ARHGEF28: variants seen among roughly 807,000 people sequenced by gnomAD.
ARHGEF28 encodes Rho guanine nucleotide exchange factor 28, also known as 190 kDa guanine nucleotide exchange factor.
Under a neutral mutation model 206.6 loss-of-function variants are expected in ARHGEF28, and 152 were observed. The observed-to-expected ratio is 0.74, with a 90% CI of 0.64 to 0.84. The LOEUF is 0.84. ARHGEF28 is among the 40% of genes least tolerant of loss of function. ARHGEF28 has a pLI of 0.00. For synonymous variants in ARHGEF28, 763 were observed against 776.4 expected, an observed-to-expected ratio of 0.98 and a Z score of 0.29; for missense variants, 2,028 against 2,073.2, an observed-to-expected ratio of 0.98 and a Z score of 0.42.
At chr5:73,735,900 C>A (rs1750897348) in intron 2 of ARHGEF28, among the ~76,000 whole-genome samples, 1 of 152,182 alleles carries the variant, frequency 6.6e-6, no homozygotes, top group Admixed American at 6.5e-5. Flanking sequence ...TCACAGCATC[C>A]TTTCCATCTT....
chr5:73,932,967 C>T (rs1204481826), intron 35 of ARHGEF28, among the ~76,000 whole-genome samples: 1 of 151,572 alleles, frequency 6.6e-6, no homozygotes, highest in Admixed American at 6.6e-5. Flanking sequence ...CGCCACCATG[C>T]CCGGCTAATT....
intron 22 of ARHGEF28, among the ~76,000 whole-genome samples, chr5:73,879,927 T>C (rs1286467520): frequency 1.3e-5 from 2 of 152,188 alleles, no homozygotes; most frequent in Non-Finnish European, 2.9e-5. Flanking sequence ...TCTCCAGCTG[T>C]GTGCTGGGAG....
intron 2 of ARHGEF28, among the ~76,000 whole-genome samples, chr5:73,698,597 GT>G (rs1292784353): frequency 1.3e-5 from 2 of 151,958 alleles, no homozygotes; most frequent in Non-Finnish European, 2.9e-5. Context: ...TGGTTTCTGA[GT>G]TTTTTTTCAA....
chr5:73,647,598 A>G (rs934799273), intron 1 of ARHGEF28, among the ~76,000 whole-genome samples: 3 of 152,272 alleles, frequency 2.0e-5, no homozygotes, highest in Non-Finnish European at 4.4e-5. Context: ...AACCTACTAT[A>G]TCTAAAATAT....
At position 73,897,593 on chromosome 5, in the gene ARHGEF28, G is replaced by A. The variant is rs1010152738; in HGVS notation, c.3842-369G>A. Among the ~76,000 whole-genome samples, 6 of 152,352 alleles carry A rather than the reference G, an allele frequency of 3.9e-5. 1 individual carries two copies. The highest frequency in any genetic ancestry group is 1.3e-4 in the Admixed American group (2 of 15,300). ...AAGTTTTTAGGCATACCAGTTTACT[G>A]AAAGTTGCATTTGAGATATTTTAAT... On this transcript the variant is annotated intron_variant, in intron 29 of 35. Coordinates refer to ENST00000513042, the MANE Select transcript of ARHGEF28 (RefSeq NM_001177693.2).
intron 9 of ARHGEF28, among the ~76,000 whole-genome samples, chr5:73,819,854 T>G (rs1412759971): frequency 1.3e-5 from 2 of 152,194 alleles, no homozygotes; most frequent in Non-Finnish European, 2.9e-5. Flanking sequence ...AACTTGCTGT[T>G]TAAGATGCAG....
intron 1 of ARHGEF28, among the ~76,000 whole-genome samples, chr5:73,642,837 G>T (rs1329738004): frequency 1.3e-5 from 2 of 151,942 alleles, no homozygotes; most frequent in Non-Finnish European, 2.9e-5. Flanking sequence ...TGTTCATGTG[G>T]CTGCTCCCTG....
chr5:73,720,862 T>A (rs1485353617), intron 2 of ARHGEF28, among the ~76,000 whole-genome samples: 1 of 152,182 alleles, frequency 6.6e-6, no homozygotes, highest in Non-Finnish European at 1.5e-5. Context: ...AAACATATAC[T>A]TAGTGATTTT....
intron 2 of ARHGEF28, among the ~76,000 whole-genome samples, chr5:73,712,639 GAA>G (rs1229100209): frequency 1.3e-5 from 2 of 152,190 alleles, no homozygotes; most frequent in African/African-American, 4.8e-5. Context: ...CTAGTGAGGA[GAA>G]ATGAAAAATA....
At chr5:73,635,050 A>C (rs1743608213) in intron 1 of ARHGEF28, among the ~76,000 whole-genome samples, 1 of 152,196 alleles carries the variant, frequency 6.6e-6, no homozygotes, top group Non-Finnish European at 1.5e-5. Context: ...AGTAAAAAGA[A>C]AGCCATTCAT....
chr5:73,914,197 C>T (rs1763075315), intron 35 of ARHGEF28, among the ~76,000 whole-genome samples: 2 of 152,016 alleles, frequency 1.3e-5, no homozygotes, highest in Non-Finnish European at 2.9e-5. Context: ...TAAGGTTTTA[C>T]ATGGGGAAAC....
rs555143147 is a variant in ARHGEF28, at chr5:73,735,715, A to G, written c.34-14122A>G. ...TTACTCCCCTGCTCAAAACTCTTCC[A>G]GGAACTCTTTGTCTTCCAAGCCCTC... On this transcript the variant is annotated intron_variant, in intron 2 of 35. Transcript: ENST00000513042. 1.7e-4 allele frequency among the ~76,000 whole-genome samples: 26 copies of G among 152,292 alleles called. No individual in the cohort carries two copies. In the South Asian group the frequency reaches 5.4e-3, roughly 32 times the overall value.
intron 11 of ARHGEF28, among the ~76,000 whole-genome samples, chr5:73,842,441 C>T (rs949056738): frequency 3.9e-5 from 6 of 152,128 alleles, no homozygotes; most frequent in African/African-American, 1.4e-4. Context: ...AACTTTAGCA[C>T]ATATTGGTAC....
intron 9 of ARHGEF28, among the ~76,000 whole-genome samples, chr5:73,796,599 T>G (rs575685112): frequency 6.6e-5 from 10 of 152,254 alleles, no homozygotes; most frequent in Admixed American, 6.5e-4. Flanking sequence ...CCCTTGGTGT[T>G]GGTTGATGGT....
At chr5:73,681,829 A>T (rs756678437) in intron 1 of ARHGEF28, among the ~76,000 whole-genome samples, 1 of 152,104 alleles carries the variant, frequency 6.6e-6, no homozygotes, top group East Asian at 1.9e-4. Flanking sequence ...AAAAAAATTG[A>T]TGATTATTTT....
chr5:73,879,591 A>G (rs771367064), intron 22 of ARHGEF28, among the ~76,000 whole-genome samples: 1 of 152,170 alleles, frequency 6.6e-6, no homozygotes, highest in Non-Finnish European at 1.5e-5. Context: ...GGTGATGTAC[A>G]GATGGGTTTT....
chr5:73,930,203 A>G (rs1182242390), intron 35 of ARHGEF28, among the ~76,000 whole-genome samples: 3 of 152,214 alleles, frequency 2.0e-5, no homozygotes, highest in African/African-American at 7.2e-5. Flanking sequence ...TTGTTGTACA[A>G]TATAACTATC....
Position 73,873,380 on chromosome 5 carries a change from A to T in ARHGEF28, c.2814+134A>T. On this transcript the variant is annotated intron_variant, in intron 22 of 35. Transcript: ENST00000513042. ...GTGACATTCTGAGGATGTGTTTACC[A>T]TCGTTAGATTGTAACTCCCAGTAAG... is the stretch of plus-strand genomic sequence containing the variant. The T allele has an allele frequency of 4.1e-6, 5 of 1,226,042 alleles. 1 individual carries two copies. In the South Asian group the frequency reaches 8.1e-5, roughly 20 times the overall value. 75.9% of individuals were successfully genotyped at this position (1,226,042 alleles called of 1,614,324 possible). A position where few individuals can be genotyped will look rare whatever the true frequency, so the allele number is the denominator to read the frequency against.
chr5:73,628,954 A>G (rs1378171794), intron 1 of ARHGEF28, among the ~76,000 whole-genome samples: 2 of 152,198 alleles, frequency 1.3e-5, no homozygotes, highest in Non-Finnish European at 1.5e-5. Context: ...CGGAAGCCCA[A>G]GGCAGTGTCA....
Sources: allele counts gnomAD v4.1 joint callset (sites outside exome capture counted in the v4.1 genomes callset), GRCh38; gene constraint gnomAD v4.1.1; transcripts MANE v1.5; gene names NCBI Gene and HGNC (gene_info 2026-07-23, HGNC 2026-07-21).